GPRC6A: variants seen among roughly 807,000 people sequenced by gnomAD.
GPRC6A encodes the protein G protein-coupled receptor class C group 6 member A, also known as G protein-coupled receptor family C group 6 member A.
In GPRC6A, 54 loss-of-function variants were observed where a neutral mutation model predicts 47.0. The ratio of observed to expected loss-of-function variants is 1.15; its 90% CI spans 0.92 to 1.44. The LOEUF (loss-of-function observed/expected upper bound fraction) is 1.44, where lower values mean the gene tolerates loss of function less well. Among genes scored for constraint, GPRC6A ranks in the 40% most tolerant of loss-of-function variants. The pLI, the probability that GPRC6A is intolerant of heterozygous loss-of-function variation, is 0.00. For synonymous variants in GPRC6A, 347 were observed against 377.1 expected, an observed-to-expected ratio of 0.92 and a Z score of 0.93; for missense variants, 1,112 against 1,105.5, an observed-to-expected ratio of 1.01 and a Z score of -0.08.
intron 1 of GPRC6A, among the ~76,000 whole-genome samples, chr6:116,826,389 G>T (rs1773676707): frequency 6.6e-6 from 1 of 151,644 alleles, no homozygotes; most frequent in African/African-American, 2.4e-5. Context: ...ATGAACAGAT[G>T]ATTCTCAAAA....
At chr6:116,813,089 C>G (rs1184825226) in intron 1 of GPRC6A, among the ~76,000 whole-genome samples, 1 of 152,166 alleles carries the variant, frequency 6.6e-6, no homozygotes, top group East Asian at 1.9e-4. Flanking sequence ...CTACAAACCA[C>G]TGCTCAATGA....
intron 1 of GPRC6A, among the ~76,000 whole-genome samples, chr6:116,813,911 A>T (rs1411825210): frequency 6.6e-6 from 1 of 152,228 alleles, no homozygotes; most frequent in African/African-American, 2.4e-5. Flanking sequence ...CAAATTTACA[A>T]GAAAAAACAA....
At chr6:116,813,402 A>G (rs1016272560) in intron 1 of GPRC6A, among the ~76,000 whole-genome samples, 1 of 152,208 alleles carries the variant, frequency 6.6e-6, no homozygotes, top group African/African-American at 2.4e-5. Flanking sequence ...ACTGGTACCA[A>G]AAAGGAGATA....
chr6:116,806,091 A>G (rs1772828058), intron 3 of GPRC6A, among the ~76,000 whole-genome samples: 1 of 152,136 alleles, frequency 6.6e-6, no homozygotes, highest in Non-Finnish European at 1.5e-5. Context: ...GATAATTTAT[A>G]TGACTCAAGG....
At chr6:116,793,285 CATTTAA>C (rs1298720969) in intron 5 of GPRC6A, 35 bp from the exon 6 acceptor site, 1 of 1,465,590 alleles carries the variant, frequency 6.8e-7, no homozygotes. Context: ...ACATTGTCAA[CATTTAA>C]ACTAGGTGAT....
At chr6:116,805,893 G>C (rs1284313686) in intron 3 of GPRC6A, among the ~76,000 whole-genome samples, 2 of 151,964 alleles carry the variant, frequency 1.3e-5, no homozygotes, top group African/African-American at 4.8e-5. Context: ...CTTAACTATA[G>C]GTGTTGGGAT....
chr6:116,809,058 T>G (rs1407928086), intron 2 of GPRC6A, among the ~76,000 whole-genome samples: 1 of 152,190 alleles, frequency 6.6e-6, no homozygotes, highest in African/African-American at 2.4e-5. Context: ...CAGATTGGCC[T>G]TTTTGCTATT....
At chr6:116,809,263 A>G (rs749677223) in intron 2 of GPRC6A, 51 bp downstream of exon 2, 3 of 1,459,464 alleles carry the variant, frequency 2.1e-6, no homozygotes, top group African/African-American at 1.4e-5. Context: ...TGATCCTTTC[A>G]TAATAACAAA....
intron 3 of GPRC6A, among the ~76,000 whole-genome samples, chr6:116,804,715 A>T (rs968817000): frequency 3.9e-5 from 6 of 152,028 alleles, no homozygotes; most frequent in African/African-American, 9.7e-5. Flanking sequence ...TTCTTCTCAA[A>T]TCTTATCCTT....
At chr6:116,815,283 G>A (rs1366653889) in intron 1 of GPRC6A, among the ~76,000 whole-genome samples, 1 of 152,138 alleles carries the variant, frequency 6.6e-6, no homozygotes, top group East Asian at 1.9e-4. Flanking sequence ...AGGACTTTAA[G>A]AGCAGCCTGG....
chr6:116,820,035 C>T (rs988251973), intron 1 of GPRC6A, among the ~76,000 whole-genome samples: 5 of 149,232 alleles, frequency 3.4e-5, no homozygotes, highest in Admixed American at 6.7e-5. Context: ...ATATCACCAC[C>T]GATCCCACAG....
intron 1 of GPRC6A, among the ~76,000 whole-genome samples, chr6:116,811,896 C>T (rs1338079483): frequency 6.6e-6 from 1 of 151,578 alleles, no homozygotes; most frequent in Non-Finnish European, 1.5e-5. Flanking sequence ...ATGAAGTGAC[C>T]AAATATACAA....
intron 4 of GPRC6A, among the ~76,000 whole-genome samples, chr6:116,796,576 G>C (rs1327364532): frequency 6.6e-6 from 1 of 152,140 alleles, no homozygotes; most frequent in Non-Finnish European, 1.5e-5. Flanking sequence ...TACCCTTGGA[G>C]CAGAGCAGAA....
intron 1 of GPRC6A, among the ~76,000 whole-genome samples, chr6:116,818,184 C>T (rs1320968186): frequency 1.6e-4 from 24 of 149,928 alleles, no homozygotes; most frequent in African/African-American, 2.0e-4. Context: ...GCGGATCTCT[C>T]AGCAGAAACC....
chr6:116,816,578 A>C (rs931305648), intron 1 of GPRC6A, among the ~76,000 whole-genome samples: 3 of 152,012 alleles, frequency 2.0e-5, no homozygotes, highest in East Asian at 1.9e-4. Context: ...AGCTCCCAGC[A>C]TGAGCGACGC....
Position 116,806,841 on chromosome 6 carries a change from A to G in GPRC6A, c.864T>C (p.Asn288=). The G allele has an allele frequency of 1.2e-6, 2 of 1,613,406 alleles. No homozygotes were observed. The highest frequency in any genetic ancestry group is 1.7e-6 in the Non-Finnish European group (2 of 1,179,520). ...TATTTATATTCATTTCAATGGCTTTATTGAAGAGATCAAAAACATGGAATT... is the reference window on the plus strand; with the variant it reads ...TATTTATATTCATTTCAATGGCTTTGTTGAAGAGATCAAAAACATGGAATT... ...LRQFHVFDLF[N]KAIEMNINKM... The change falls in exon 3 of 6, where the codon AAT becomes AAC. Residue 288 remains asparagine, a synonymous_variant. Transcript: ENST00000310357.
In GPRC6A at chr6:116,793,005, G is replaced by T; in HGVS notation, c.1918C>A (p.His640Asn). 5 of 1,614,076 alleles carry T rather than the reference G, an allele frequency of 3.1e-6. No individual in the cohort carries two copies. Among genetic ancestry groups the T allele is most frequent in the Non-Finnish European group, 4.2e-6 (5 of 1,179,970 alleles). The change falls in exon 6 of 6, where the codon CAT (histidine) becomes AAT (asparagine). Residue 640 changes from histidine (H) to asparagine (N), a missense_variant. Coordinates refer to ENST00000310357, the MANE Select transcript of GPRC6A (RefSeq NM_148963.4). Reference protein sequence around the residue: ...LRVCYVILLCHFLNFASTSFF... With the variant: ...LRVCYVILLCNFLNFASTSFF... ...CTCGTGCTGGCAAAATTGAGGAAAT[G>T]ACAGAGAAGGATCACATAGCAGACT...
intron 1 of GPRC6A, among the ~76,000 whole-genome samples, chr6:116,828,042 C>T (rs777958376): frequency 2.0e-5 from 3 of 152,140 alleles, no homozygotes; most frequent in African/African-American, 7.2e-5. Context: ...CTGCCTGTGT[C>T]CTTAGAGGTT....
intron 1 of GPRC6A, among the ~76,000 whole-genome samples, chr6:116,823,508 G>T (rs1054885115): frequency 1.3e-5 from 2 of 152,086 alleles, no homozygotes; most frequent in African/African-American, 2.4e-5. Flanking sequence ...TCTCTAGGAA[G>T]TTCCAAAGTT....
Sources: allele counts gnomAD v4.1 joint callset (sites outside exome capture counted in the v4.1 genomes callset), GRCh38; gene constraint gnomAD v4.1.1; transcripts MANE v1.5; gene names NCBI Gene and HGNC (gene_info 2026-07-23, HGNC 2026-07-21).